SH3RF2: variants seen among roughly 807,000 people sequenced by gnomAD.
The protein encoded by SH3RF2 is E3 ubiquitin-protein ligase SH3RF2.
Under a neutral mutation model 59.0 loss-of-function variants are expected in SH3RF2, and 43 were observed. That is an observed-to-expected ratio of 0.73 (90% CI 0.57 to 0.94). The LOEUF is 0.94. Ranked by LOEUF, SH3RF2 falls within the 40% of genes least tolerant of loss-of-function variation. SH3RF2 has a pLI of 0.00. For missense variants in SH3RF2, 930 were observed against 940.1 expected (o/e 0.99, Z 0.14); for synonymous variants, 391 against 391.5 (o/e 1.00, Z 0.01).
At chr5:145,958,653 G>A (rs1758509464) in intron 2 of SH3RF2, among the ~76,000 whole-genome samples, 1 of 152,180 alleles carries the variant, frequency 6.6e-6, no homozygotes, top group Non-Finnish European at 1.5e-5. Context: ...GGCCTAACGA[G>A]AAAAATGGAA....
intron 8 of SH3RF2, among the ~76,000 whole-genome samples, chr5:146,057,866 C>T (rs932283187): frequency 2.2e-4 from 33 of 151,278 alleles, no homozygotes; most frequent in African/African-American, 7.8e-4. Context: ...TGGCTTGAGC[C>T]GGGAAGGTTG....
At chr5:146,010,258 T>C (rs936169727) in intron 4 of SH3RF2, among the ~76,000 whole-genome samples, 3 of 152,240 alleles carry the variant, frequency 2.0e-5, no homozygotes, top group African/African-American at 7.2e-5. Context: ...TGTGCCACAT[T>C]TTCTGAATCC....
intron 8 of SH3RF2, among the ~76,000 whole-genome samples, chr5:146,057,956 CTCTCTCTCTCTCTATCTATCT>C (rs1454462560): frequency 3.0e-5 from 4 of 131,778 alleles, no homozygotes; most frequent in Non-Finnish European, 6.8e-5. Context: ...CTCTCTCTCT[CTCTCTCTCTCTCTATCTATCT>C]ATCTATCTAT....
intron 9 of SH3RF2, among the ~76,000 whole-genome samples, chr5:146,069,710 A>C (rs997575937): frequency 3.9e-5 from 6 of 152,230 alleles, no homozygotes; most frequent in Admixed American, 3.3e-4. Flanking sequence ...AGTAGCTGGG[A>C]CTACAGGCGT....
intron 9 of SH3RF2, among the ~76,000 whole-genome samples, chr5:146,061,854 G>C (rs1762904968): frequency 1.3e-5 from 2 of 152,046 alleles, no homozygotes. Flanking sequence ...ATGAAATTCT[G>C]ATTTTTATAT....
At chr5:146,070,052 C>T (rs7378803) in intron 9 of SH3RF2, among the ~76,000 whole-genome samples, 147,758 of 151,846 alleles carry the variant, frequency 0.97, 72,024 homozygotes, top group East Asian at 1. Context: ...GCACCTACTA[C>T]ATGCCAAGCA....
In SH3RF2 at chr5:146,059,908, T is replaced by A; in HGVS notation, c.1598T>A (p.Leu533His). The change falls in exon 9 of 10, where the codon CTC becomes CAC. Residue 533 changes from leucine (L) to histidine (H), a missense_variant. By Grantham distance (99) the Leu-to-His change is moderately conservative. Transcript: ENST00000359120. ...QRPLQSGIPT[L>H]VVGSLRRSPT... ...CCCCTCCAGTCCGGGATCCCCACTC[T>A]CGTGGTAGGCTCCCTCAGACGCAGC... The A allele has an allele frequency of 6.7e-7, 1 of 1,501,510 alleles. No homozygotes were observed. The highest frequency in any genetic ancestry group is 1.4e-5 in the African/African-American group (1 of 71,184). 93.0% of individuals were successfully genotyped at this position (1,501,510 alleles called of 1,614,324 possible). A position where few individuals can be genotyped will look rare whatever the true frequency, so the allele number is the denominator to read the frequency against.
At chr5:145,987,871 C>T (rs1254068740) in intron 2 of SH3RF2, among the ~76,000 whole-genome samples, 1 of 152,212 alleles carries the variant, frequency 6.6e-6, no homozygotes, top group Non-Finnish European at 1.5e-5. Context: ...TCCAGGCATT[C>T]CACTAAGTAT....
At position 146,060,241 on chromosome 5, in the gene SH3RF2, A is replaced by G. The variant is rs765045393; in HGVS notation, c.1914+17A>G. 24 of 1,576,044 alleles carry G rather than the reference A, an allele frequency of 1.5e-5. No individual in the cohort carries two copies. Among genetic ancestry groups the G allele is most frequent in the Non-Finnish European group, 2.1e-5 (24 of 1,159,144 alleles). On this transcript the variant is annotated intron_variant, in intron 9 of 9. Transcript: ENST00000359120. ...ATCGAAAAGGTAGGATCAGAGTGAC[A>G]TTGGGGGCCCAACTCTTTCGATCCC...
chr5:146,027,067 T>C (rs868250675), intron 5 of SH3RF2, among the ~76,000 whole-genome samples: 2 of 152,222 alleles, frequency 1.3e-5, no homozygotes, highest in Non-Finnish European at 2.9e-5. Context: ...ATCAGCCACA[T>C]GCTTCAGAGA....
rs1050337965 is a variant in SH3RF2 at position 146,044,785 on chromosome 5, G to A, written c.1060-2987G>A. Among the ~76,000 whole-genome samples the A allele has an allele frequency of 1.1e-4, 17 of 151,454 alleles. 1 individual carries two copies. Among genetic ancestry groups the A allele is most frequent in the Admixed American group, 6.6e-4 (10 of 15,200 alleles). On this transcript the variant is annotated intron_variant, in intron 5 of 9. Coordinates refer to ENST00000359120, the MANE Select transcript of SH3RF2 (RefSeq NM_152550.4). ...TTCTTCATTGTCTCCTTCTCATGTC[G>A]TCCTTTCTCTTCTCCTCCAGGACAC...
intron 9 of SH3RF2, among the ~76,000 whole-genome samples, chr5:146,073,411 G>T (rs959829533): frequency 6.6e-6 from 1 of 152,192 alleles, no homozygotes; most frequent in African/African-American, 2.4e-5. Context: ...TTGCAAATAG[G>T]TCTGACACGG....
chr5:145,957,410 T>G (rs1452622155), intron 2 of SH3RF2, among the ~76,000 whole-genome samples: 2 of 151,750 alleles, frequency 1.3e-5, no homozygotes, highest in Non-Finnish European at 2.9e-5. Context: ...AATTTAAGAG[T>G]AAATTGAAAG....
At chr5:145,979,230 C>CAGACCTACTACAGA (rs1237335732) in intron 2 of SH3RF2, among the ~76,000 whole-genome samples, 3 of 152,222 alleles carry the variant, frequency 2.0e-5, no homozygotes, top group Admixed American at 6.5e-5. Flanking sequence ...GGCCCCACCC[C>CAGACCTACTACAGA]AGACCTACTA....
chr5:145,947,057 T>C (rs1003971262), intron 2 of SH3RF2, among the ~76,000 whole-genome samples: 3 of 151,990 alleles, frequency 2.0e-5, no homozygotes, highest in African/African-American at 7.2e-5. Context: ...GATCTTGTTA[T>C]GCAAGTGTCA....
chr5:146,004,593 A>AT (rs997747098), intron 4 of SH3RF2, among the ~76,000 whole-genome samples: 1 of 151,938 alleles, frequency 6.6e-6, no homozygotes. Flanking sequence ...TAAGGAGTTC[A>AT]TTTTTTTTAA....
intron 5 of SH3RF2, among the ~76,000 whole-genome samples, chr5:146,040,144 A>G (rs1762072885): frequency 6.6e-6 from 1 of 152,168 alleles, no homozygotes; most frequent in African/African-American, 2.4e-5. Flanking sequence ...TGGGAGAGAG[A>G]CTTGATTATG....
chr5:145,953,149 A>C (rs2060640234), intron 2 of SH3RF2, among the ~76,000 whole-genome samples: 1 of 143,870 alleles, frequency 7.0e-6, no homozygotes, highest in Middle Eastern at 3.6e-3. Flanking sequence ...CACACACACA[A>C]ATAATAAAAA....
In SH3RF2 at chr5:145,969,074, C is replaced by T. The variant is rs193239311; in HGVS notation, c.378+30768C>T. ...GGTCCCACCAGATAATTCACTCAGG[C>T]TAGAACTTACTTGCTATCAGGGACT... On this transcript the variant is annotated intron_variant, in intron 2 of 9. Coordinates refer to ENST00000359120, the MANE Select transcript of SH3RF2 (RefSeq NM_152550.4). Among the ~76,000 whole-genome samples, 12 of 152,182 alleles carry T rather than the reference C, an allele frequency of 7.9e-5. 1 individual carries two copies. In the East Asian group the frequency reaches 2.3e-3, roughly 29 times the overall value.
Sources: gnomAD v4.1 joint callset for allele counts (sites outside exome capture counted in the v4.1 genomes callset) on GRCh38, gnomAD v4.1.1 for gene constraint, MANE v1.5 for transcripts, NCBI Gene and HGNC (gene_info 2026-07-23, HGNC 2026-07-21) for gene names.